Variants in PRPS1 observed in about 807,000 individuals in gnomAD.
The protein encoded by PRPS1 is phosphoribosyl pyrophosphate synthetase 1.
In PRPS1, 1 loss-of-function variant was observed where a neutral mutation model predicts 16.9. The observed-to-expected ratio is 0.06, with a 90% CI of 0.02 to 0.28. PRPS1 has a LOEUF of 0.28. PRPS1 is among the 10% of genes least tolerant of loss of function. The probability of loss-of-function intolerance (pLI) is 1.00; values close to 1 mark genes in which losing one functional copy is unlikely to be tolerated. For synonymous variants in PRPS1, 70 were observed against 90.2 expected (o/e 0.78, Z 1.27); for missense variants, 47 against 254.0 (o/e 0.19, Z 5.54).
chrX:107,637,179 G>A (rs1253273004), intron 1 of PRPS1, among the ~76,000 whole-genome samples: 2 of 109,799 alleles, frequency 1.8e-5, no homozygotes, highest in Non-Finnish European at 3.8e-5. Context: ...TTTCTTGGTA[G>A]AGACCCGAGT....
At chrX:107,645,429 T>G (rs1216809961) in intron 5 of PRPS1, 79 bp downstream of exon 5, 3 of 1,138,945 alleles carry the variant, frequency 2.6e-6, no homozygotes, top group Non-Finnish European at 2.4e-6. Context: ...GCCTGCTGAT[T>G]CCTTTTGGAA....
chrX:107,647,783 G>C lies in PRPS1; in HGVS notation c.864+18G>C, dbSNP rs768956879. 3 of 1,206,696 alleles carry C rather than the reference G, an allele frequency of 2.5e-6. No homozygotes were observed. Among genetic ancestry groups the C allele is most frequent in the Non-Finnish European group, 3.4e-6 (3 of 892,237 alleles). On this transcript the variant is annotated intron_variant, in intron 6 of 6. Coordinates refer to ENST00000372435, the MANE Select transcript of PRPS1 (RefSeq NM_002764.4). ...AAATACAGGTGAGGATGAGATTTGT[G>C]CAAAACAAGACTTTTCTAAGTGTTT...
chrX:107,635,110 G>C (rs937677780), intron 1 of PRPS1, among the ~76,000 whole-genome samples: 1 of 112,017 alleles, frequency 8.9e-6, no homozygotes, highest in African/African-American at 3.2e-5. Flanking sequence ...CAAAGTGCTG[G>C]GATTACAGGC....
At chrX:107,640,834 C>T in intron 2 of PRPS1, 68 bp from the exon 3 acceptor site, 1 of 1,125,984 alleles carries the variant, frequency 8.9e-7, no homozygotes, top group Non-Finnish European at 1.2e-6. Context: ...TAAATAGTTT[C>T]TTGAGTAAAT....
At chrX:107,630,612 A>G (rs911682676) in intron 1 of PRPS1, among the ~76,000 whole-genome samples, 13 of 110,673 alleles carry the variant, frequency 1.2e-4, no homozygotes, top group Non-Finnish European at 2.1e-4. Context: ...TGTTTTTCCT[A>G]TACTGAAGAA....
At chrX:107,640,840 TAAATG>T (rs975231176) in intron 2 of PRPS1, 57 bp from the exon 3 acceptor site, 1 of 1,146,637 alleles carries the variant, frequency 8.7e-7, no homozygotes, top group African/African-American at 1.8e-5. Context: ...GTTTCTTGAG[TAAATG>T]AATTGTTTTT....
intron 5 of PRPS1, among the ~76,000 whole-genome samples, chrX:107,646,608 T>C (rs1375409166): frequency 8.9e-6 from 1 of 112,332 alleles, no homozygotes; most frequent in Non-Finnish European, 1.9e-5. Context: ...CCTAACATGA[T>C]AGTTTCCTTC....
At chrX:107,643,729 T>C (rs1364054016) in intron 4 of PRPS1, among the ~76,000 whole-genome samples, 3 of 111,860 alleles carry the variant, frequency 2.7e-5, no homozygotes, top group Non-Finnish European at 5.6e-5. Flanking sequence ...TTTGGGATAC[T>C]TGAACTAATT....
intron 1 of PRPS1, 126 bp from the exon 2 acceptor site, chrX:107,639,169 A>C (rs1348183260): frequency 3.6e-6 from 3 of 834,652 alleles, no homozygotes; most frequent in Non-Finnish European, 5.3e-6. Flanking sequence ...ATACAGGTGC[A>C]ATTTTTTCTC....
intron 6 of PRPS1, 118 bp downstream of exon 6, chrX:107,647,883 T>G: frequency 2.4e-6 from 2 of 840,022 alleles, no homozygotes; most frequent in Non-Finnish European, 3.4e-6. Flanking sequence ...GGATTTAGTC[T>G]TGTCATCAGA....
chrX:107,645,166 C>A lies in PRPS1; in HGVS notation c.531-11C>A. ...AGCCACACATACATATGAACACGCT[C>A]TGTTTTGCAGAGTGACCTCCATTGC... On this transcript the variant is annotated splice_polypyrimidine_tract_variant and intron_variant, in intron 4 of 6. Transcript: ENST00000372435. 8.3e-7 allele frequency: 1 copy of A among 1,211,771 alleles called. No individual in the cohort carries two copies. The highest frequency in any genetic ancestry group is 1.1e-6 in the Non-Finnish European group (1 of 895,293).
chrX:107,644,554 C>G (rs1476355815), intron 4 of PRPS1, among the ~76,000 whole-genome samples: 1 of 111,897 alleles, frequency 8.9e-6, no homozygotes, highest in Non-Finnish European at 1.9e-5. Flanking sequence ...AATAAACTTG[C>G]GTGTCTTAGC....
intron 6 of PRPS1, among the ~76,000 whole-genome samples, chrX:107,649,253 A>G (rs959019848): frequency 7.3e-5 from 8 of 110,251 alleles, no homozygotes; most frequent in African/African-American, 2.6e-4. Flanking sequence ...ACGCCTGGCT[A>G]ATTTTTGTTT....
intron 1 of PRPS1, among the ~76,000 whole-genome samples, chrX:107,635,421 T>C (rs1949418392): frequency 9.1e-6 from 1 of 109,320 alleles, no homozygotes; most frequent in African/African-American, 3.4e-5. Flanking sequence ...GGAGGATGAA[T>C]GTGAGCAGCA....
At chrX:107,632,966 T>C (rs1050063817) in intron 1 of PRPS1, among the ~76,000 whole-genome samples, 2 of 112,171 alleles carry the variant, frequency 1.8e-5, no homozygotes, top group Non-Finnish European at 3.8e-5. Flanking sequence ...TGCACCACCT[T>C]ATTTTATTTA....
chrX:107,648,464 G>A (rs1383869307), intron 6 of PRPS1, among the ~76,000 whole-genome samples: 1 of 89,154 alleles, frequency 1.1e-5, no homozygotes, highest in South Asian at 5.3e-4. Context: ...TTGCTCTGTT[G>A]CCCCAGCCGG....
chrX:107,644,018 G>A (rs1925633888), intron 4 of PRPS1, among the ~76,000 whole-genome samples: 1 of 111,909 alleles, frequency 8.9e-6, no homozygotes, highest in Non-Finnish European at 1.9e-5. Flanking sequence ...CCAAGCACGG[G>A]CTGCTTCACA....
chrX:107,640,780 G>T, intron 2 of PRPS1, 122 bp from the exon 3 acceptor site: 1 of 747,763 alleles, frequency 1.3e-6, no homozygotes, highest in South Asian at 2.2e-5. Context: ...CTCCTTCTAT[G>T]AATTTCTGGG....
intron 4 of PRPS1, among the ~76,000 whole-genome samples, chrX:107,644,535 A>G (rs946730513): frequency 8.9e-6 from 1 of 111,845 alleles, no homozygotes; most frequent in Non-Finnish European, 1.9e-5. Context: ...TTCTGCTGCC[A>G]ATCCATTAAA....
Sources: allele counts gnomAD v4.1 joint callset (sites outside exome capture counted in the v4.1 genomes callset), GRCh38; gene constraint gnomAD v4.1.1; transcripts MANE v1.5; gene names NCBI Gene and HGNC (gene_info 2026-07-23, HGNC 2026-07-21).